Variants in C10orf90 observed in about 807,000 individuals in gnomAD.
C10orf90 encodes the protein (E2-independent) E3 ubiquitin-conjugating enzyme FATS.
Under a neutral mutation model 62.5 loss-of-function variants are expected in C10orf90, and 56 were observed. The observed-to-expected ratio is 0.90, with a 90% CI of 0.72 to 1.12. The LOEUF (loss-of-function observed/expected upper bound fraction) is 1.12. Ranked by LOEUF, C10orf90 falls within the 50% of genes most tolerant of loss-of-function variation. The pLI, the probability that C10orf90 is intolerant of heterozygous loss-of-function variation, is 0.00. For synonymous variants in C10orf90, 386 were observed against 340.4 expected (o/e 1.13, Z -1.47); for missense variants, 970 against 880.4 (o/e 1.10, Z -1.29).
intron 7 of C10orf90, among the ~76,000 whole-genome samples, chr10:126,443,869 A>C (rs1858564301): frequency 1.3e-5 from 2 of 152,160 alleles, no homozygotes; most frequent in African/African-American, 2.4e-5. Context: ...ATGGTTTAAC[A>C]TACACAAGTC....
chr10:126,506,828 G>T (rs1192712749), intron 3 of C10orf90, among the ~76,000 whole-genome samples: 3 of 151,992 alleles, frequency 2.0e-5, no homozygotes, highest in Non-Finnish European at 4.4e-5. Context: ...TTTTCTTCAG[G>T]GCAGGACTAA....
chr10:126,565,370 T>C (rs1443456167), intron 2 of C10orf90, among the ~76,000 whole-genome samples: 2 of 78,932 alleles, frequency 2.5e-5, no homozygotes, highest in Admixed American at 2.2e-4. Context: ...TATATTATTT[T>C]ATATAATAAT....
intron 2 of C10orf90, among the ~76,000 whole-genome samples, chr10:126,557,479 C>CAAAAA (rs11413093): frequency 3.8e-5 from 5 of 131,564 alleles, no homozygotes; most frequent in Non-Finnish European, 7.9e-5. Flanking sequence ...GACTCCATCT[C>CAAAAA]AAAAAAAAAA....
At chr10:126,564,464 G>A (rs774023630) in intron 2 of C10orf90, among the ~76,000 whole-genome samples, 7 of 151,802 alleles carry the variant, frequency 4.6e-5, no homozygotes, top group Non-Finnish European at 5.9e-5. Context: ...GGCTCTCAGA[G>A]GAGGCCATAG....
chr10:126,496,733 G>A, intron 4 of C10orf90: 1 of 984,730 alleles, frequency 1.0e-6, no homozygotes, highest in Non-Finnish European at 1.2e-6. Context: ...ATGGGGAAAG[G>A]TAGTTTGAGG....
intron 4 of C10orf90, among the ~76,000 whole-genome samples, chr10:126,495,996 G>A (rs10901620): frequency 0.12 from 18,533 of 152,142 alleles, 1,448 homozygotes; most frequent in East Asian, 0.21. Context: ...AGTATAAATG[G>A]AGCCTCAGAT....
intron 2 of C10orf90, among the ~76,000 whole-genome samples, chr10:126,628,087 C>T (rs896271406): frequency 6.6e-6 from 1 of 152,200 alleles, no homozygotes; most frequent in Non-Finnish European, 1.5e-5. Context: ...TTAGTTCCCT[C>T]CATGTAACAC....
intron 4 of C10orf90, among the ~76,000 whole-genome samples, chr10:126,498,830 G>A (rs996661292): frequency 6.6e-6 from 1 of 152,186 alleles, no homozygotes; most frequent in Non-Finnish European, 1.5e-5. Flanking sequence ...CTGAGTGGCT[G>A]GCAGAGGCCT....
chr10:126,651,000 C>T (rs1366293089), intron 1 of C10orf90, among the ~76,000 whole-genome samples: 1 of 152,204 alleles, frequency 6.6e-6, no homozygotes, highest in East Asian at 1.9e-4. Context: ...TCACATTGAT[C>T]TACGAATTCC....
chr10:126,634,186 T>G (rs1382751486), intron 2 of C10orf90, among the ~76,000 whole-genome samples: 1 of 152,214 alleles, frequency 6.6e-6, no homozygotes, highest in African/African-American at 2.4e-5. Flanking sequence ...ACTCCCATGT[T>G]TACTGTAGCA....
chr10:126,460,045 G>A (rs1384912506), intron 6 of C10orf90, among the ~76,000 whole-genome samples: 3 of 152,154 alleles, frequency 2.0e-5, no homozygotes, highest in African/African-American at 2.4e-5. Flanking sequence ...CCCTATCCAC[G>A]GGAACCCCAT....
chr10:126,472,486 C>T (rs139557379), intron 4 of C10orf90, among the ~76,000 whole-genome samples: 1 of 152,182 alleles, frequency 6.6e-6, no homozygotes, highest in East Asian at 1.9e-4. Flanking sequence ...TACCCACTGA[C>T]ACATAACAGC....
At chr10:126,483,073 A>C (rs926121093) in intron 4 of C10orf90, among the ~76,000 whole-genome samples, 9 of 152,264 alleles carry the variant, frequency 5.9e-5, no homozygotes, top group African/African-American at 1.7e-4. Flanking sequence ...CATGACAGTT[A>C]TAGTGTGTGA....
chr10:126,579,612 T>C (rs188785442), intron 2 of C10orf90, among the ~76,000 whole-genome samples: 2 of 152,324 alleles, frequency 1.3e-5, no homozygotes, highest in African/African-American at 4.8e-5. Context: ...CATTTGAAAC[T>C]TGTAAAAAGT....
chr10:126,429,069 T>A (rs1424598233), intron 8 of C10orf90, among the ~76,000 whole-genome samples: 1 of 152,170 alleles, frequency 6.6e-6, no homozygotes. Context: ...TTATGATAAT[T>A]CCTCCCTGTG....
intron 4 of C10orf90, among the ~76,000 whole-genome samples, chr10:126,501,743 G>A (rs1252014979): frequency 1.3e-5 from 2 of 152,204 alleles, no homozygotes; most frequent in East Asian, 3.9e-4. Context: ...CCATTAGAAG[G>A]AATGAAATCA....
chr10:126,595,520 G>A (rs1845066007), intron 2 of C10orf90, among the ~76,000 whole-genome samples: 1 of 152,178 alleles, frequency 6.6e-6, no homozygotes, highest in African/African-American at 2.4e-5. Context: ...GGGATTTTGT[G>A]GAATCTCCCG....
intron 2 of C10orf90, among the ~76,000 whole-genome samples, chr10:126,617,240 G>A (rs1845558967): frequency 6.6e-6 from 1 of 152,134 alleles, no homozygotes; most frequent in South Asian, 2.1e-4. Context: ...AACATTTTAG[G>A]AGTTTGGTCC....
intron 1 of C10orf90, among the ~76,000 whole-genome samples, chr10:126,648,264 T>C (rs1846210550): frequency 6.6e-6 from 1 of 152,136 alleles, no homozygotes; most frequent in South Asian, 2.1e-4. Context: ...CTGGGTTACC[T>C]CTAGCAATGA....
Sources: gnomAD v4.1 joint callset for allele counts (sites outside exome capture counted in the v4.1 genomes callset) on GRCh38, gnomAD v4.1.1 for gene constraint, MANE v1.5 for transcripts, NCBI Gene and HGNC (gene_info 2026-07-23, HGNC 2026-07-21) for gene names.